The following TMTC4 variants were observed in gnomAD, a reference collection of about 807,000 sequenced individuals.
TMTC4 encodes the protein protein O-mannosyl-transferase TMTC4.
TMTC4 carries 65 observed loss-of-function variants against 86.0 expected under a neutral mutation model. The observed-to-expected ratio is 0.76, with a 90% CI of 0.62 to 0.93. The LOEUF (loss-of-function observed/expected upper bound fraction) is 0.93, where lower values mean the gene tolerates loss of function less well. TMTC4 is among the 40% of genes least tolerant of loss of function. The pLI is 0.00. For missense variants in TMTC4, 866 were observed against 948.1 expected, an observed-to-expected ratio of 0.91 and a Z score of 1.14; for synonymous variants, 379 against 382.5, an observed-to-expected ratio of 0.99 and a Z score of 0.11.
chr13:100,604,579 T>C lies in TMTC4; in HGVS notation c.*415A>G, dbSNP rs1001514166. The C allele has an allele frequency of 2.0e-5, 3 of 153,356 alleles. No homozygotes were observed. The highest frequency in any genetic ancestry group is 1.3e-4 in the Admixed American group (2 of 15,312). The allele number at this position is 153,356 out of a possible 1,614,324, so 9.5% of individuals were successfully genotyped here. ...AAATAAAAATGCTAATATATAGACA[T>C]GTTCAATATTTATACAAATTGTAGG... On this transcript the variant is annotated 3_prime_UTR_variant, in exon 19 of 19. Transcript: ENST00000342624.
rs537225411 is a variant in TMTC4 at position 100,645,299 on chromosome 13, C to A, written c.641-2988G>T. Among the ~76,000 whole-genome samples, 3 of 152,328 alleles carry A rather than the reference C, an allele frequency of 2.0e-5. 1 individual carries two copies. In the East Asian group the frequency reaches 5.8e-4, roughly 29 times the overall value. ...GCAGGTTCTCACCTGGGTGTGCTTA[C>A]TGAGTTCCCTTGGGGCAGAACAGTC... On this transcript the variant is annotated intron_variant, in intron 6 of 18. Transcript: ENST00000342624.
chr13:100,624,354 TAAAA>T, intron 15 of TMTC4: 1 of 118,644 alleles, frequency 8.4e-6, no homozygotes, highest in Non-Finnish European at 1.9e-5. Context: ...AAAAAAAAAA[TAAAA>T]AAAAAATAAA....
intron 15 of TMTC4, chr13:100,624,284 T>C (rs1254422448): frequency 6.7e-6 from 1 of 150,088 alleles, no homozygotes; most frequent in Non-Finnish European, 1.5e-5. Context: ...CGAGATCCCG[T>C]TGAGCCGAGA....
chr13:100,626,251 G>T, intron 12 of TMTC4, 101 bp from the exon 13 acceptor site: 1 of 1,285,570 alleles, frequency 7.8e-7, no homozygotes, highest in Admixed American at 1.9e-5. Context: ...AAAGCGACGA[G>T]GAAAAAAAAT....
Position 100,625,738 on chromosome 13 carries a change from G to C in TMTC4, c.1694+47C>G, listed in dbSNP as rs147608432. The C allele has an allele frequency of 4.4e-4, 704 of 1,609,360 alleles. 5 individuals carry two copies. In the African/African-American group the frequency reaches 8.4e-3, roughly 19 times the overall value. ...TGAAAGGCTTAGATGCCGGAATGCAGGAGCTCCTTTCTTTGTCACTAGCAT... is the reference window on the plus strand; with the variant it reads ...TGAAAGGCTTAGATGCCGGAATGCACGAGCTCCTTTCTTTGTCACTAGCAT... On this transcript the variant is annotated intron_variant, in intron 14 of 18. Coordinates refer to ENST00000342624, the MANE Select transcript of TMTC4 (RefSeq NM_032813.5).
intron 15 of TMTC4, chr13:100,624,119 G>C (rs566021709): frequency 5.7e-6 from 1 of 176,054 alleles, no homozygotes; most frequent in Non-Finnish European, 1.2e-5. Flanking sequence ...GAGGTCAGGA[G>C]ATCTAGACCA....
intron 15 of TMTC4, among the ~76,000 whole-genome samples, chr13:100,616,261 T>C (rs1272526439): frequency 6.6e-6 from 1 of 152,146 alleles, no homozygotes; most frequent in Non-Finnish European, 1.5e-5. Context: ...TGGAGTGCAG[T>C]AGCACAATCT....
chr13:100,650,191 G>A (rs1012053398), intron 6 of TMTC4, among the ~76,000 whole-genome samples: 23 of 152,280 alleles, frequency 1.5e-4, no homozygotes, highest in Admixed American at 7.8e-4. Flanking sequence ...AATAGTTTAC[G>A]ATCCAGAATT....
Position 100,633,184 on chromosome 13 carries a change from T to G in TMTC4, c.1506+1621A>C, listed in dbSNP as rs115052960. Among the ~76,000 whole-genome samples the G allele has an allele frequency of 1.9e-3, 282 of 151,896 alleles. 2 individuals are homozygous for G. Among genetic ancestry groups the G allele is most frequent in the African/African-American group, 6.4e-3 (267 of 41,402 alleles). ...AAAATTAGCCGGGCATAGTGGCGCA[T>G]GCCTGTCCTAGCTACTCGGGAGGCT... On this transcript the variant is annotated intron_variant, in intron 12 of 18. Coordinates refer to ENST00000342624, the MANE Select transcript of TMTC4 (RefSeq NM_032813.5).
At position 100,626,170 on chromosome 13, in the gene TMTC4, G is replaced by C. The variant is rs767031242; in HGVS notation, c.1507-20C>G. The C allele has an allele frequency of 6.2e-7, 1 of 1,613,098 alleles. No individual in the cohort carries two copies. The highest frequency in any genetic ancestry group is 1.1e-5 in the South Asian group (1 of 91,038). The stretch of plus-strand genomic sequence containing the variant: ...GTGAACCTGCAGACAGAGAATAATT[G>C]GGCCATCAGCAGACAGACTTCTTGT... On this transcript the variant is annotated intron_variant, in intron 12 of 18. Coordinates refer to ENST00000342624, the MANE Select transcript of TMTC4 (RefSeq NM_032813.5).
rs1879035588 is a variant in TMTC4, at chr13:100,619,076, G to C, written c.1837-4646C>G. On this transcript the variant is annotated intron_variant, in intron 15 of 18. Transcript: ENST00000342624. ...TTCCCAGTAGGGGCGGCCGGGCAGA[G>C]GCGCCCCTCACCTCCCGGACGGGGC... Among the ~76,000 whole-genome samples the C allele has an allele frequency of 5.5e-5, 8 of 145,020 alleles. No individual in the cohort carries two copies. In the South Asian group the frequency reaches 1.8e-3, roughly 32 times the overall value.
At chr13:100,627,989 C>T (rs1055342332) in intron 12 of TMTC4, among the ~76,000 whole-genome samples, 2 of 152,128 alleles carry the variant, frequency 1.3e-5, no homozygotes, top group South Asian at 4.1e-4. Context: ...AAAAAGCATA[C>T]AAATTGGTGA....
intron 12 of TMTC4, among the ~76,000 whole-genome samples, chr13:100,634,073 A>C (rs1310501851): frequency 6.6e-6 from 1 of 150,822 alleles, no homozygotes; most frequent in Non-Finnish European, 1.5e-5. Context: ...CGGGAGGTGG[A>C]GGCTGCAGTG....
chr13:100,632,049 ACACACTCTCTCTCTCTCTCTCTCT>A (rs1881487183), intron 12 of TMTC4, among the ~76,000 whole-genome samples: 1 of 77,292 alleles, frequency 1.3e-5, no homozygotes, highest in East Asian at 3.1e-4. Context: ...ACACACACAC[ACACACTCTCTCTCTCTCTCTCTCT>A]CTCTCTCTCT....
At chr13:100,607,465 C>T (rs763919451) in intron 17 of TMTC4, among the ~76,000 whole-genome samples, 37 of 151,264 alleles carry the variant, frequency 2.4e-4, no homozygotes, top group African/African-American at 8.0e-4. Context: ...TGCGGTGAGC[C>T]GAGACTGCGC....
At chr13:100,639,917 G>C (rs967848734) in intron 7 of TMTC4, among the ~76,000 whole-genome samples, 2 of 151,898 alleles carry the variant, frequency 1.3e-5, no homozygotes, top group African/African-American at 4.8e-5. Context: ...TCCAGCCAGA[G>C]CGACAAGAGA....
intron 12 of TMTC4, among the ~76,000 whole-genome samples, chr13:100,633,676 G>A (rs1019002338): frequency 6.6e-6 from 1 of 152,206 alleles, no homozygotes; most frequent in African/African-American, 2.4e-5. Context: ...AACATCATAA[G>A]AGTGTACTTA....
At chr13:100,670,120 C>T (rs936412438) in intron 2 of TMTC4, among the ~76,000 whole-genome samples, 1 of 152,164 alleles carries the variant, frequency 6.6e-6, no homozygotes, top group Admixed American at 6.5e-5. Flanking sequence ...GGTACCGAGG[C>T]TCCTGTCTTT....
chr13:100,642,111 C>T (rs141876858), intron 7 of TMTC4, 100 bp downstream of exon 7: 66 of 1,200,444 alleles, frequency 5.5e-5, no homozygotes, highest in Middle Eastern at 4.9e-4. Flanking sequence ...GGGATGTAGG[C>T]GTGGAGAACG....
Sources: allele counts gnomAD v4.1 joint callset (sites outside exome capture counted in the v4.1 genomes callset), GRCh38; gene constraint gnomAD v4.1.1; transcripts MANE v1.5; gene names NCBI Gene and HGNC (gene_info 2026-07-23, HGNC 2026-07-21).